COX10: variants seen among roughly 807,000 people sequenced by gnomAD.
COX10 encodes the protein cytochrome c oxidase assembly factor heme A:farnesyltransferase COX10.
A neutral mutation model predicts 37.3 loss-of-function variants in COX10; 27 were observed. That is an observed-to-expected ratio of 0.72 (90% CI 0.53 to 1.00). The LOEUF is 1.00. Among genes scored for constraint, COX10 ranks in the 50% least tolerant of loss-of-function variants. The pLI is 0.00. For synonymous variants in COX10, 222 were observed against 229.1 expected (o/e 0.97, Z 0.28); for missense variants, 475 against 563.2 (o/e 0.84, Z 1.59).
rs148044020 is a variant in COX10 at position 14,102,242 on chromosome 17, G to A, written c.624G>A (p.Gln208=). 1 of 1,613,494 alleles carries A rather than the reference G, an allele frequency of 6.2e-7. No homozygotes were observed. The highest frequency in any genetic ancestry group is 8.5e-7 in the Non-Finnish European group (1 of 1,179,648). Residue 208 remains glutamine (Q), a splice_region_variant and synonymous_variant, in exon 4 of 7, where the codon CAG becomes CAA. Coordinates refer to ENST00000261643, the MANE Select transcript of COX10 (RefSeq NM_001303.4). ...CCTGTGCTGCCAACTCCATCAATCA[G>A]GTCAGTTTCTCACTTTCATCTAAAT... ...LASCAANSIN[Q]FFEVPFDSNM...
chr17:14,205,181 T>C (rs1906659218), intron 6 of COX10, among the ~76,000 whole-genome samples: 1 of 151,998 alleles, frequency 6.6e-6, no homozygotes, highest in Non-Finnish European at 1.5e-5. Context: ...ACTTTTTAAA[T>C]ATATATAGTT....
chr17:14,198,995 A>G (rs954578777), intron 6 of COX10, among the ~76,000 whole-genome samples: 1 of 152,240 alleles, frequency 6.6e-6, no homozygotes, highest in Non-Finnish European at 1.5e-5. Context: ...TTTAAAGACA[A>G]AATAAACAAG....
At chr17:14,196,148 A>G (rs2142265868) in intron 6 of COX10, among the ~76,000 whole-genome samples, 1 of 152,220 alleles carries the variant, frequency 6.6e-6, no homozygotes, top group South Asian at 2.1e-4. Flanking sequence ...ACCTTTATAA[A>G]CTGGTCCCCA....
intron 5 of COX10, among the ~76,000 whole-genome samples, chr17:14,170,872 A>G (rs527470186): frequency 5.9e-5 from 9 of 152,222 alleles, no homozygotes; most frequent in Non-Finnish European, 8.8e-5. Context: ...GGATATAATA[A>G]TAAGATCACT....
At chr17:14,187,733 A>G (rs986631863) in intron 5 of COX10, among the ~76,000 whole-genome samples, 2 of 152,244 alleles carry the variant, frequency 1.3e-5, no homozygotes, top group Admixed American at 1.3e-4. Context: ...TGCCCATAAC[A>G]CAAGAAAGCT....
Position 14,192,004 on chromosome 17 carries a change from G to A in COX10, c.711G>A (p.Val237=), listed in dbSNP as rs1312582846. The stretch of plus-strand genomic sequence containing the variant: ...CTTTTTCCAGCCCATTGCTAGCTGT[G>A]TCCTTTGCCACTTGTTGTGCTGTTC... ...VRGQISPLLA[V]SFATCCAVPG... is the part of the protein sequence containing the mutation. The change falls in exon 6 of 7, where the codon GTG becomes GTA. Residue 237 remains valine (V), a synonymous_variant. Coordinates refer to ENST00000261643, the MANE Select transcript of COX10 (RefSeq NM_001303.4). The A allele has an allele frequency of 5.6e-6, 9 of 1,614,092 alleles. No individual in the cohort carries two copies. The highest frequency in any genetic ancestry group is 1.3e-5 in the African/African-American group (1 of 74,928).
At chr17:14,078,189 G>A (rs921258707) in intron 3 of COX10, among the ~76,000 whole-genome samples, 2 of 152,108 alleles carry the variant, frequency 1.3e-5, no homozygotes, top group Admixed American at 1.3e-4. Context: ...CAACGAATCA[G>A]CATGTTTCTA....
intron 3 of COX10, among the ~76,000 whole-genome samples, chr17:14,081,326 A>T (rs1462613603): frequency 6.6e-6 from 1 of 152,222 alleles, no homozygotes; most frequent in African/African-American, 2.4e-5. Flanking sequence ...GGGGAAAGAG[A>T]ACAAGGGAGA....
At chr17:14,113,337 C>G (rs1916045322) in intron 4 of COX10, among the ~76,000 whole-genome samples, 1 of 152,120 alleles carries the variant, frequency 6.6e-6, no homozygotes, top group Non-Finnish European at 1.5e-5. Context: ...TCCCTTCACT[C>G]TCATACCCAA....
intron 5 of COX10, among the ~76,000 whole-genome samples, chr17:14,190,189 C>A (rs1419517223): frequency 6.6e-6 from 1 of 152,130 alleles, no homozygotes; most frequent in Non-Finnish European, 1.5e-5. Flanking sequence ...CTATAAGGAA[C>A]GAAAATGGAA....
chr17:14,070,991 G>A (rs55687301), intron 1 of COX10, among the ~76,000 whole-genome samples: 2,295 of 152,262 alleles, frequency 0.015, 57 homozygotes, highest in African/African-American at 0.052. Context: ...TTTTACACAT[G>A]GCTGTGATTT....
intron 1 of COX10, among the ~76,000 whole-genome samples, chr17:14,070,502 C>G (rs1914996157): frequency 6.6e-6 from 1 of 152,090 alleles, no homozygotes; most frequent in Non-Finnish European, 1.5e-5. Flanking sequence ...TTGTTTGCTC[C>G]CAATAGTTAT....
chr17:14,099,437 TA>T (rs1402119795), intron 3 of COX10, among the ~76,000 whole-genome samples: 1 of 152,124 alleles, frequency 6.6e-6, no homozygotes, highest in Admixed American at 6.6e-5. Context: ...AAGTTGCTGA[TA>T]AGACTAGATT....
chr17:14,161,198 C>A (rs1403150885), intron 5 of COX10, among the ~76,000 whole-genome samples: 1 of 152,082 alleles, frequency 6.6e-6, no homozygotes, highest in Non-Finnish European at 1.5e-5. Flanking sequence ...AGCATTGGGG[C>A]CTTAGCTGTT....
intron 3 of COX10, among the ~76,000 whole-genome samples, chr17:14,097,415 A>C (rs980365210): frequency 2.6e-5 from 4 of 151,990 alleles, no homozygotes; most frequent in African/African-American, 7.2e-5. Flanking sequence ...CAATTTGTAC[A>C]TTTTAAAATT....
intron 4 of COX10, among the ~76,000 whole-genome samples, chr17:14,141,946 T>G (rs1189717720): frequency 1.3e-5 from 2 of 152,184 alleles, no homozygotes; most frequent in Admixed American, 6.5e-5. Context: ...GTAAAATCTC[T>G]GATTGGAAAT....
chr17:14,155,984 A>T (rs146712462), intron 4 of COX10, among the ~76,000 whole-genome samples: 355 of 152,214 alleles, frequency 2.3e-3, no homozygotes, highest in African/African-American at 8.3e-3. Flanking sequence ...GCACATTAGC[A>T]TGGCACGTGA....
At position 14,102,173 on chromosome 17, in the gene COX10, C is replaced by G; in HGVS notation, c.555C>G (p.Asp185Glu). 1 of 1,613,794 alleles carries G rather than the reference C, an allele frequency of 6.2e-7. No homozygotes were observed. The highest frequency in any genetic ancestry group is 8.5e-7 in the Non-Finnish European group (1 of 1,179,778). The change falls in exon 4 of 7, where the codon GAC (aspartate) becomes GAG (glutamate). Residue 185 changes from aspartate to glutamate, a missense_variant. Physicochemically the swap from Asp to Glu is conservative, Grantham distance 45 (BLOSUM62 2). This residue lies in a region of COX10 where 242 missense variants were observed against 242.5 expected (regional missense o/e 1.00). Transcript: ENST00000261643. Reference protein sequence around the residue: ...AGFALAPGPFDWPCFLLTSVG... With the variant: ...AGFALAPGPFEWPCFLLTSVG... ...TTGCATTGGCTCCGGGCCCTTTTGA[C>G]TGGCCCTGTTTCCTGCTTACTTCTG...
At chr17:14,079,183 A>G (rs1816178998) in intron 3 of COX10, among the ~76,000 whole-genome samples, 1 of 152,250 alleles carries the variant, frequency 6.6e-6, no homozygotes, top group Non-Finnish European at 1.5e-5. Context: ...TAAATAATTA[A>G]TGCATATAAA....
Sources: allele counts gnomAD v4.1 joint callset (sites outside exome capture counted in the v4.1 genomes callset), GRCh38; gene constraint gnomAD v4.1.1; regional missense constraint gnomAD v4.1.1; transcripts MANE v1.5; gene names NCBI Gene and HGNC (gene_info 2026-07-23, HGNC 2026-07-21).